Variants in PCYT1B observed in about 807,000 individuals in gnomAD.
PCYT1B encodes the protein phosphate cytidylyltransferase 1B, choline, also known as choline-phosphate cytidylyltransferase B.
A neutral mutation model predicts 26.4 loss-of-function variants in PCYT1B; 10 were observed. The observed-to-expected ratio is 0.38, with a 90% confidence interval of 0.23 to 0.64. PCYT1B has a LOEUF of 0.64. Among genes scored for constraint, PCYT1B ranks in the 30% least tolerant of loss-of-function variants. PCYT1B has a pLI of 0.56. For synonymous variants in PCYT1B, 131 were observed against 108.4 expected (o/e 1.21, Z -1.29); for missense variants, 161 against 292.7 (o/e 0.55, Z 3.28).
At chrX:24,635,296 A>G (rs1000564755) in intron 1 of PCYT1B, among the ~76,000 whole-genome samples, 12 of 111,088 alleles carry the variant, frequency 1.1e-4, no homozygotes, top group Non-Finnish European at 2.1e-4. Flanking sequence ...TAATGTGTAG[A>G]AAAAAAAACT....
chrX:24,616,879 G>A lies in PCYT1B; in HGVS notation c.217+2106C>T, dbSNP rs192337552. Among the ~76,000 whole-genome samples the A allele has an allele frequency of 4.2e-3, 475 of 112,079 alleles. 1 individual carries two copies. The highest frequency in any genetic ancestry group is 7.0e-3 in the Non-Finnish European group (371 of 53,184). ...TGCTCCTCACTTCACTCTATTGAAG[G>A]CTATTCTTATAGGAAGCACAGTGTC... On this transcript the variant is annotated intron_variant, in intron 2 of 7. Transcript: ENST00000379144.
chrX:24,593,500 C>G (rs774998024), intron 3 of PCYT1B, among the ~76,000 whole-genome samples: 79 of 15,387 alleles, frequency 5.1e-3, no homozygotes, highest in African/African-American at 0.026. Flanking sequence ...CTTTTCTTTT[C>G]TTTTCTTTTC....
At chrX:24,652,946 G>A (rs984029534) in intron 1 of PCYT1B, among the ~76,000 whole-genome samples, 1 of 110,470 alleles carries the variant, frequency 9.1e-6, no homozygotes, top group African/African-American at 3.3e-5. Context: ...TTAGTTAGGC[G>A]TGGTGGCACA....
At chrX:24,607,134 A>G (rs1358958964) in intron 3 of PCYT1B, among the ~76,000 whole-genome samples, 1 of 112,240 alleles carries the variant, frequency 8.9e-6, no homozygotes, top group Non-Finnish European at 1.9e-5. Context: ...GGAAAATTTC[A>G]GTCCACATCT....
At chrX:24,592,843 T>C (rs1246276371) in intron 3 of PCYT1B, among the ~76,000 whole-genome samples, 3 of 111,936 alleles carry the variant, frequency 2.7e-5, no homozygotes, top group African/African-American at 9.7e-5. Flanking sequence ...AAACCTGGAA[T>C]AGTTGTGCTC....
chrX:24,578,213 T>C (rs1381166121), intron 6 of PCYT1B, among the ~76,000 whole-genome samples: 1 of 111,051 alleles, frequency 9.0e-6, no homozygotes, highest in Non-Finnish European at 1.9e-5. Context: ...CTGGAAACCA[T>C]CATTCTCAGC....
chrX:24,606,784 T>A (rs1925150859), intron 3 of PCYT1B, among the ~76,000 whole-genome samples: 1 of 112,015 alleles, frequency 8.9e-6, no homozygotes, highest in African/African-American at 3.2e-5. Flanking sequence ...GGAGAATCAC[T>A]TGAACCCAGG....
At chrX:24,634,884 C>T (rs1258627038) in intron 1 of PCYT1B, among the ~76,000 whole-genome samples, 1 of 112,079 alleles carries the variant, frequency 8.9e-6, no homozygotes, top group Non-Finnish European at 1.9e-5. Context: ...TCTGCAGCCA[C>T]CACATTATCA....
chrX:24,648,448 A>ATTTTTTT (rs1189695885), upstream of PCYT1B, among the ~76,000 whole-genome samples: 1 of 34,559 alleles, frequency 2.9e-5, no homozygotes, highest in African/African-American at 1.4e-4. Flanking sequence ...GATTTGAAGG[A>ATTTTTTT]ATTTTTTTTT....
chrX:24,595,605 C>T (rs758305013), intron 3 of PCYT1B, among the ~76,000 whole-genome samples: 1 of 111,433 alleles, frequency 9.0e-6, no homozygotes, highest in East Asian at 2.8e-4. Flanking sequence ...CTAGGCCAGG[C>T]GCAGTGGCTC....
chrX:24,562,848 C>T, intron 7 of PCYT1B, among the ~76,000 whole-genome samples: 1 of 109,574 alleles, frequency 9.1e-6, no homozygotes, highest in Non-Finnish European at 1.9e-5. Flanking sequence ...CTGCCTCAGC[C>T]TCCCAAGTAG....
chrX:24,619,258 A>T, intron 1 of PCYT1B, 174 bp from the exon 2 acceptor site: 1 of 428,441 alleles, frequency 2.3e-6, no homozygotes, highest in Non-Finnish European at 4.2e-6. Context: ...ATCATCACTG[A>T]AACCTTTTGG....
At chrX:24,600,727 T>C in intron 3 of PCYT1B, among the ~76,000 whole-genome samples, 1 of 111,436 alleles carries the variant, frequency 9.0e-6, no homozygotes, top group Admixed American at 9.5e-5. Context: ...AAACTGACAC[T>C]ATCTGACTTC....
Position 24,560,239 on chromosome X carries a change from C to T in PCYT1B, c.*2054G>A, listed in dbSNP as rs1382855161. On this transcript the variant is annotated 3_prime_UTR_variant, in exon 8 of 8. Transcript: ENST00000379144. ...TATGAGAGCAGATTTTCTTTATCCT[C>T]CTTTCCTCCCTCCAGGAACTTCTTT... 2 of 111,872 alleles carry T rather than the reference C, an allele frequency of 1.8e-5. No homozygotes were observed. Among genetic ancestry groups the T allele is most frequent in the Non-Finnish European group, 3.8e-5 (2 of 53,190 alleles). 9.2% of individuals were successfully genotyped at this position (111,872 alleles called of 1,213,427 possible).
chrX:24,648,449 A>AGTTTT (rs1926693996), upstream of PCYT1B, among the ~76,000 whole-genome samples: 1 of 39,717 alleles, frequency 2.5e-5, no homozygotes, highest in African/African-American at 1.4e-4. Context: ...ATTTGAAGGA[A>AGTTTT]TTTTTTTTTT....
intron 1 of PCYT1B, among the ~76,000 whole-genome samples, chrX:24,668,918 G>A (rs751106116): frequency 6.3e-5 from 7 of 110,873 alleles, no homozygotes; most frequent in African/African-American, 1.3e-4. Flanking sequence ...TTATTTGATG[G>A]TGCTTAAAAA....
At chrX:24,578,056 C>T (rs1210740690) in intron 6 of PCYT1B, among the ~76,000 whole-genome samples, 3 of 111,331 alleles carry the variant, frequency 2.7e-5, no homozygotes, top group Non-Finnish European at 5.6e-5. Context: ...TGTTGCAGCA[C>T]TATTCACAAT....
intron 2 of PCYT1B, among the ~76,000 whole-genome samples, chrX:24,613,966 A>AG (rs1925396391): frequency 4.9e-5 from 1 of 20,529 alleles, no homozygotes; most frequent in Non-Finnish European, 8.6e-5. Flanking sequence ...AAAAAAAAAA[A>AG]AAAAAAAAAA....
chrX:24,650,935 G>A (rs1926749653), upstream of PCYT1B, among the ~76,000 whole-genome samples: 1 of 111,767 alleles, frequency 8.9e-6, no homozygotes, highest in Non-Finnish European at 1.9e-5. Context: ...CTCACTAAGA[G>A]TCATGTTTTT....
Sources: allele counts gnomAD v4.1 joint callset (sites outside exome capture counted in the v4.1 genomes callset), GRCh38; gene constraint gnomAD v4.1.1; transcripts MANE v1.5; gene names NCBI Gene and HGNC (gene_info 2026-07-23, HGNC 2026-07-21).